OR13G1: variants seen among roughly 807,000 people sequenced by gnomAD.
OR13G1 encodes olfactory receptor 13G1.
For synonymous variants in OR13G1, 128 were observed against 136.2 expected (o/e 0.94, Z 0.42); for missense variants, 369 against 385.7 (o/e 0.96, Z 0.36).
chr1:247,677,608 A>G (rs1659371540), intron 1 of OR13G1, among the ~76,000 whole-genome samples: 1 of 152,224 alleles, frequency 6.6e-6, no homozygotes, highest in Non-Finnish European at 1.5e-5. Context: ...AAAACTACAT[A>G]CAGAAAAAAC....
At position 247,672,077 on chromosome 1, in the gene OR13G1, A is replaced by G; in HGVS notation, c.*41T>C. The G allele has an allele frequency of 6.8e-7, 1 of 1,478,346 alleles. No individual in the cohort carries two copies. The highest frequency in any genetic ancestry group is 9.3e-7 in the Non-Finnish European group (1 of 1,080,894). 91.6% of individuals were successfully genotyped at this position (1,478,346 alleles called of 1,614,324 possible). A position where few individuals can be genotyped will look rare whatever the true frequency, so the allele number is the denominator to read the frequency against. ...AGTAAAATCTGAGATGCTCTAGAAGATGGTTCTGGAGTACAGAAGTGATGT... is the reference window on the plus strand; with the variant it reads ...AGTAAAATCTGAGATGCTCTAGAAGGTGGTTCTGGAGTACAGAAGTGATGT... On this transcript the variant is annotated 3_prime_UTR_variant, in exon 2 of 2. Transcript: ENST00000642119.
chr1:247,674,469 A>G (rs556929664), intron 1 of OR13G1, among the ~76,000 whole-genome samples: 1 of 152,260 alleles, frequency 6.6e-6, no homozygotes, highest in African/African-American at 2.4e-5. Context: ...TTGTTAACCA[A>G]ATTTTAGCTA....
chr1:247,673,541 G>A (rs540947989), intron 1 of OR13G1, among the ~76,000 whole-genome samples: 2 of 152,184 alleles, frequency 1.3e-5, no homozygotes, highest in South Asian at 4.1e-4. Flanking sequence ...AATACAAGCT[G>A]ACAGGGCTAA....
At chr1:247,677,371 A>G (rs1180257304) in intron 1 of OR13G1, among the ~76,000 whole-genome samples, 1 of 152,230 alleles carries the variant, frequency 6.6e-6, no homozygotes, top group Admixed American at 6.5e-5. Context: ...AGGAAGTAGT[A>G]TGTGACATAC....
chr1:247,674,180 C>T (rs1216610615), intron 1 of OR13G1, among the ~76,000 whole-genome samples: 4 of 152,090 alleles, frequency 2.6e-5, no homozygotes, highest in South Asian at 2.1e-4. Context: ...GGTTGCTGTC[C>T]GTTTTCTTTT....
chr1:247,672,022 A>C lies in OR13G1; in HGVS notation c.*96T>G. ...GAAGGCAGGAATAAGAGGGAAGGGA[A>C]AATTGGAGTGGAGGTAAGTATGAAA... is the stretch of plus-strand genomic sequence containing the variant. On this transcript the variant is annotated 3_prime_UTR_variant, in exon 2 of 2. Transcript: ENST00000642119. 5 of 996,628 alleles carry C rather than the reference A, an allele frequency of 5.0e-6. No individual in the cohort carries two copies. The highest frequency in any genetic ancestry group is 3.2e-5 in the South Asian group (2 of 61,710). 61.7% of individuals were successfully genotyped at this position (996,628 alleles called of 1,614,324 possible).
Position 247,673,057 on chromosome 1 carries a change from G to T in OR13G1, c.-16C>A. 1 of 1,571,716 alleles carries T rather than the reference G, an allele frequency of 6.4e-7. No individual in the cohort carries two copies. The highest frequency in any genetic ancestry group is 1.2e-5 in the South Asian group (1 of 85,958). On this transcript the variant is annotated 5_prime_UTR_variant, in exon 2 of 2. Transcript: ENST00000642119. ...TGTGATTCATCCTGCTTGGGTGATT[G>T]AATGGCAGTAATTGCACAGAATAAA...
At position 247,672,208 on chromosome 1, in the gene OR13G1, C is replaced by T. The variant is rs759475889; in HGVS notation, c.834G>A (p.Val278=). 14 of 1,613,920 alleles carry T rather than the reference C, an allele frequency of 8.7e-6. No individual in the cohort carries two copies. In the East Asian group the frequency reaches 3.1e-4, roughly 36 times the overall value. The change falls in exon 2 of 2, where the codon GTG becomes GTA. Residue 278 remains valine (V), a synonymous_variant. Coordinates refer to ENST00000642119, the MANE Select transcript of OR13G1 (RefSeq NM_001005487.2). Reference sequence around the variant, plus strand: ...ACACCATCGGGTTTAATGTGGGAGTCACAAGAGTATAGAGTGCAGCTACCA... The same window carrying T: ...ACACCATCGGGTTTAATGTGGGAGTTACAAGAGTATAGAGTGCAGCTACCA... The part of the protein sequence containing the change: ...DKVVAALYTL[V]TPTLNPMVYS...
At chr1:247,675,522 C>A (rs1659327872) in intron 1 of OR13G1, among the ~76,000 whole-genome samples, 1 of 152,052 alleles carries the variant, frequency 6.6e-6, no homozygotes, top group South Asian at 2.1e-4. Context: ...ATGTCCTCAC[C>A]CCCTTCTCTG....
chr1:247,672,319 A>G lies in OR13G1; in HGVS notation c.723T>C (p.His241=). The G allele has an allele frequency of 6.2e-7, 1 of 1,614,066 alleles. No homozygotes were observed. The highest frequency in any genetic ancestry group is 2.2e-5 in the East Asian group (1 of 44,872). The change falls in exon 2 of 2, where the codon CAT becomes CAC. Residue 241 remains histidine (H), a synonymous_variant. Transcript: ENST00000642119. ...KRKAFSTCSS[H]LTVVTLYYSP... is the part of the protein sequence containing the mutation. Reference sequence around the variant, plus strand: ...AATAGTAAAGGGTCACCACTGTGAGATGAGATGAGCATGTTGAGAAGGCCT... The same window carrying G: ...AATAGTAAAGGGTCACCACTGTGAGGTGAGATGAGCATGTTGAGAAGGCCT...
In OR13G1 at chr1:247,671,596, C is replaced by G. The variant is rs978177168; in HGVS notation, c.*522G>C. On this transcript the variant is annotated 3_prime_UTR_variant, in exon 2 of 2. Transcript: ENST00000642119. Reference sequence around the variant, plus strand: ...CCCAATAATTTTATTCAGTAGAGCACGATTTTTCTCCAATGAAATCTAAAT... The same window carrying G: ...CCCAATAATTTTATTCAGTAGAGCAGGATTTTTCTCCAATGAAATCTAAAT... 1 of 155,708 alleles carries G rather than the reference C, an allele frequency of 6.4e-6. No individual in the cohort carries two copies. The highest frequency in any genetic ancestry group is 1.4e-5 in the Non-Finnish European group (1 of 70,242). 9.6% of individuals were successfully genotyped at this position (155,708 alleles called of 1,614,324 possible).
rs1369156729 is a variant in OR13G1 at position 247,672,914 on chromosome 1, A to G, written c.128T>C (p.Ile43Thr). ...GGTGTTGTTATAGATTTTGGCAATGATGATGAGCATGTTGCCGAGAAAAGC... is the reference window on the plus strand; with the variant it reads ...GGTGTTGTTATAGATTTTGGCAATGGTGATGAGCATGTTGCCGAGAAAAGC... ...LVAFLGNMLI[I>T]IAKIYNNTLH... The change falls in exon 2 of 2, where the codon ATC becomes ACC. Residue 43 changes from isoleucine (I) to threonine (T), a missense_variant. By Grantham distance (89) the Ile-to-Thr change is moderately conservative (BLOSUM62 -1). Coordinates refer to ENST00000642119, the MANE Select transcript of OR13G1 (RefSeq NM_001005487.2). The G allele has an allele frequency of 6.2e-7, 1 of 1,614,094 alleles. No homozygotes were observed. Among genetic ancestry groups the G allele is most frequent in the Non-Finnish European group, 8.5e-7 (1 of 1,179,964 alleles).
chr1:247,672,072 A>C lies in OR13G1; in HGVS notation c.*46T>G. 1 of 1,473,072 alleles carries C rather than the reference A, an allele frequency of 6.8e-7. No homozygotes were observed. The highest frequency in any genetic ancestry group is 9.3e-7 in the Non-Finnish European group (1 of 1,078,340). The allele number at this position is 1,473,072 out of a possible 1,614,324, so 91.3% of individuals were successfully genotyped here. ...AAACCAGTAAAATCTGAGATGCTCT[A>C]GAAGATGGTTCTGGAGTACAGAAGT... On this transcript the variant is annotated 3_prime_UTR_variant, in exon 2 of 2. Transcript: ENST00000642119.
In OR13G1 at chr1:247,671,963, T is replaced by C. The variant is rs1377731583; in HGVS notation, c.*155A>G. 8 of 604,956 alleles carry C rather than the reference T, an allele frequency of 1.3e-5. No homozygotes were observed. Among genetic ancestry groups the C allele is most frequent in the Middle Eastern group, 8.6e-4 (2 of 2,328 alleles). 37.5% of individuals were successfully genotyped at this position (604,956 alleles called of 1,614,324 possible). ...TTATGAATATTCTTCACATAAAGAG[T>C]ACAGAATTTTGGAGACAATGAGACT... On this transcript the variant is annotated 3_prime_UTR_variant, in exon 2 of 2. Transcript: ENST00000642119.
chr1:247,673,650 A>C (rs1303514121), intron 1 of OR13G1, among the ~76,000 whole-genome samples: 3 of 152,156 alleles, frequency 2.0e-5, no homozygotes, highest in Admixed American at 6.5e-5. Flanking sequence ...CCAAATACTA[A>C]ACAATTTAAT....
chr1:247,677,748 A>G (rs1214881891), intron 1 of OR13G1, among the ~76,000 whole-genome samples: 3 of 152,198 alleles, frequency 2.0e-5, no homozygotes, highest in African/African-American at 7.2e-5. Flanking sequence ...CTAATAATAC[A>G]CAATGATGCT....
At chr1:247,675,350 A>G (rs534266672) in intron 1 of OR13G1, among the ~76,000 whole-genome samples, 4 of 152,082 alleles carry the variant, frequency 2.6e-5, no homozygotes, top group Non-Finnish European at 5.9e-5. Context: ...TTCCTAAAGC[A>G]GGGTATGAAG....
intron 1 of OR13G1, among the ~76,000 whole-genome samples, chr1:247,676,537 T>C (rs1404587787): frequency 1.3e-5 from 2 of 152,200 alleles, no homozygotes; most frequent in Non-Finnish European, 2.9e-5. Context: ...ATCATTATGC[T>C]ATTAGATTAT....
Position 247,672,295 on chromosome 1 carries a change from A to C in OR13G1, c.747T>G (p.Tyr249Ter), listed in dbSNP as rs749638601. The change falls in exon 2 of 2, where the codon TAT becomes TAG. Residue 249 changes from tyrosine (Y) to a stop codon, truncating the protein, a stop_gained. Coordinates refer to ENST00000642119, the MANE Select transcript of OR13G1 (RefSeq NM_001005487.2). LOFTEE classifies it low-confidence loss of function (END_TRUNC). ...GGATATAGGTGTAGATTACAGGAGAATAGTAAAGGGTCACCACTGTGAGAT... is the reference window on the plus strand; with the variant it reads ...GGATATAGGTGTAGATTACAGGAGACTAGTAAAGGGTCACCACTGTGAGAT... Reference protein sequence around the residue: ...SSHLTVVTLYYSPVIYTYIRP... With the variant: ...SSHLTVVTLY 5 of 1,613,724 alleles carry C rather than the reference A, an allele frequency of 3.1e-6. No homozygotes were observed. The highest frequency in any genetic ancestry group is 3.4e-6 in the Non-Finnish European group (4 of 1,179,910).
Sources: allele counts gnomAD v4.1 joint callset (sites outside exome capture counted in the v4.1 genomes callset), GRCh38; gene constraint gnomAD v4.1.1; transcripts MANE v1.5; gene names NCBI Gene and HGNC (gene_info 2026-07-23, HGNC 2026-07-21).